SNRPE: variants seen among roughly 807,000 people sequenced by gnomAD.
The protein encoded by SNRPE is small nuclear ribonucleoprotein E.
For missense variants in SNRPE, 53 were observed against 111.6 expected (o/e 0.48, Z 2.36); for synonymous variants, 35 against 36.7 (o/e 0.95, Z 0.17).
At chr1:203,865,488 G>A (rs183334994) in intron 4 of SNRPE, among the ~76,000 whole-genome samples, 159 of 152,278 alleles carry the variant, frequency 1.0e-3, no homozygotes, top group Non-Finnish European at 1.7e-3. Context: ...TGTTTCCTCA[G>A]TTGACAATAA....
At chr1:203,865,171 A>C in intron 4 of SNRPE, 52 bp downstream of exon 4, 4 of 1,497,020 alleles carry the variant, frequency 2.7e-6, no homozygotes, top group Non-Finnish European at 3.7e-6. Context: ...ATTCACTTGC[A>C]GAATTCAGTG....
At chr1:203,866,659 C>T (rs960401611) in intron 4 of SNRPE, among the ~76,000 whole-genome samples, 1 of 152,150 alleles carries the variant, frequency 6.6e-6, no homozygotes, top group Non-Finnish European at 1.5e-5. Context: ...CAGCTACCTC[C>T]AGTTTGCTTT....
At chr1:203,863,462 C>T (rs1335957882) in intron 2 of SNRPE, among the ~76,000 whole-genome samples, 3 of 152,050 alleles carry the variant, frequency 2.0e-5, no homozygotes, top group African/African-American at 7.2e-5. Flanking sequence ...GGACTACAGG[C>T]GTGCGCCACC....
In SNRPE at chr1:203,870,026, T is replaced by G. The variant is rs1690182646; in HGVS notation, c.*94T>G. On this transcript the variant is annotated 3_prime_UTR_variant, in exon 5 of 5. Coordinates refer to ENST00000414487, the MANE Select transcript of SNRPE (RefSeq NM_003094.4). ...TGAACATTTATTCATATTGTTTTGA[T>G]TACCCTCGTGTTACTACAAGATGGC... 1 of 752,980 alleles carries G rather than the reference T, an allele frequency of 1.3e-6. No individual in the cohort carries two copies. The highest frequency in any genetic ancestry group is 2.2e-6 in the Non-Finnish European group (1 of 465,116). The allele number at this position is 752,980 out of a possible 1,614,324, so 46.6% of individuals were successfully genotyped here.
At chr1:203,869,289 C>CTGTTTTTTTT (rs1690161709) in intron 4 of SNRPE, among the ~76,000 whole-genome samples, 1 of 66,792 alleles carries the variant, frequency 1.5e-5, no homozygotes, top group African/African-American at 6.0e-5. Context: ...AGGATGGAGT[C>CTGTTTTTTTT]TTTTTTTTTT....
At chr1:203,867,123 A>AAAAAC (rs1553274871) in intron 4 of SNRPE, among the ~76,000 whole-genome samples, 2,995 of 141,222 alleles carry the variant, frequency 0.021, 120 homozygotes, top group African/African-American at 0.072. Context: ...AAAAAAAAAA[A>AAAAAC]AAAAAAATTA....
intron 3 of SNRPE, 46 bp downstream of exon 3, chr1:203,863,771 A>G (rs1362611935): frequency 1.5e-6 from 2 of 1,301,360 alleles, no homozygotes; most frequent in Non-Finnish European, 2.2e-6. Context: ...GGTCGTAGAA[A>G]AAGACTTAAC....
At chr1:203,868,212 C>A (rs1300796864) in intron 4 of SNRPE, among the ~76,000 whole-genome samples, 1 of 152,060 alleles carries the variant, frequency 6.6e-6, no homozygotes, top group Non-Finnish European at 1.5e-5. Context: ...TGTACCACCA[C>A]GCCTGGCTGA....
intron 3 of SNRPE, among the ~76,000 whole-genome samples, chr1:203,864,508 T>TTGGCTCAAG (rs2103507187): frequency 6.6e-6 from 1 of 152,108 alleles, no homozygotes. Context: ...CTTGAACTCC[T>TTGGCTCAAG]TGGCTCAAGT....
At chr1:203,861,773 G>A (rs1572401578) in intron 1 of SNRPE, 60 bp downstream of exon 1, 5 of 1,223,712 alleles carry the variant, frequency 4.1e-6, no homozygotes, top group East Asian at 4.6e-5. Flanking sequence ...GTGCGAAGGC[G>A]CAGGCTGAGG....
rs564988259 is a variant in SNRPE at position 203,869,289 on chromosome 1, C to CTTTTTTTTTTTTTTTTTTTTTTTTTTT, written c.224-580_224-554dup. Among the ~76,000 whole-genome samples, 8 of 66,814 alleles carry CTTTTTTTTTTTTTTTTTTTTTTTTTTT rather than the reference C, an allele frequency of 1.2e-4. 3 individuals are homozygous for CTTTTTTTTTTTTTTTTTTTTTTTTTTT. The highest frequency in any genetic ancestry group is 1.8e-4 in the African/African-American group (3 of 16,634). The allele number at this position is 66,814 out of a possible 152,430, so 43.8% of individuals were successfully genotyped here. ...AGGTTTGTTTATTGTAGGATGGAGT[C>CTTTTTTTTTTTTTTTTTTTTTTTTTTT]TTTTTTTTTTTTTTTTTTTTTTTTT... On this transcript the variant is annotated intron_variant, in intron 4 of 4. Coordinates refer to ENST00000414487, the MANE Select transcript of SNRPE (RefSeq NM_003094.4).
intron 4 of SNRPE, 52 bp from the exon 5 acceptor site, chr1:203,869,825 A>G: frequency 7.7e-7 from 1 of 1,295,430 alleles, no homozygotes; most frequent in Non-Finnish European, 1.1e-6. Context: ...TCTGAGAGTA[A>G]AACATCTGAG....
At chr1:203,867,107 G>GAAAAAAAAAAAAAA (rs71566135) in intron 4 of SNRPE, among the ~76,000 whole-genome samples, 3 of 52,850 alleles carry the variant, frequency 5.7e-5, no homozygotes, top group African/African-American at 2.4e-4. Context: ...TGTCTTTCCT[G>GAAAAAAAAAAAAAA]AAAAAAAAAA....
chr1:203,868,430 C>T (rs926345984), intron 4 of SNRPE, among the ~76,000 whole-genome samples: 1 of 152,182 alleles, frequency 6.6e-6, no homozygotes, highest in Non-Finnish European at 1.5e-5. Context: ...TGAATCATTT[C>T]TGTTAACATC....
At chr1:203,861,870 G>C (rs1689984431) in intron 1 of SNRPE, 157 bp downstream of exon 1, 1 of 685,870 alleles carries the variant, frequency 1.5e-6, no homozygotes, top group South Asian at 1.6e-5. Context: ...TAGTTGAACC[G>C]TGATGGTGGG....
chr1:203,869,221 A>G (rs1690157698), intron 4 of SNRPE, among the ~76,000 whole-genome samples: 2 of 150,516 alleles, frequency 1.3e-5, no homozygotes, highest in Admixed American at 6.6e-5. Context: ...AATTTCTCAG[A>G]AAAGTATTGT....
chr1:203,862,359 G>C, intron 2 of SNRPE, 137 bp downstream of exon 2: 1 of 682,020 alleles, frequency 1.5e-6, no homozygotes, highest in Non-Finnish European at 2.7e-6. Flanking sequence ...TAATTGAGGG[G>C]AAGGAGTACT....
intron 4 of SNRPE, among the ~76,000 whole-genome samples, chr1:203,867,123 A>AAAAAAAC (rs1690107122): frequency 2.8e-5 from 4 of 141,336 alleles, no homozygotes; most frequent in South Asian, 2.2e-4. Flanking sequence ...AAAAAAAAAA[A>AAAAAAAC]AAAAAAATTA....
At chr1:203,865,848 T>C (rs1027398055) in intron 4 of SNRPE, among the ~76,000 whole-genome samples, 1 of 152,202 alleles carries the variant, frequency 6.6e-6, no homozygotes, top group East Asian at 1.9e-4. Flanking sequence ...TGGTCTGTTA[T>C]AAAGGATATT....
Sources: gnomAD v4.1 joint callset for allele counts (sites outside exome capture counted in the v4.1 genomes callset) on GRCh38, gnomAD v4.1.1 for gene constraint, MANE v1.5 for transcripts, NCBI Gene and HGNC (gene_info 2026-07-23, HGNC 2026-07-21) for gene names.